The following ZFP82 variants were observed in gnomAD, a reference collection of about 807,000 sequenced individuals.
ZFP82 encodes the protein zinc finger protein 82 homolog.
In ZFP82, 30 loss-of-function variants were observed where a neutral mutation model predicts 54.0. The observed-to-expected ratio is 0.56, with a 90% confidence interval of 0.42 to 0.75. The LOEUF is 0.75. ZFP82 is among the 30% of genes least tolerant of loss of function. The pLI is 0.00. For missense variants in ZFP82, 500 were observed against 636.8 expected (o/e 0.79, Z 2.31); for synonymous variants, 194 against 209.5 (o/e 0.93, Z 0.64).
Position 36,393,964 on chromosome 19 carries a change from T to C in ZFP82, c.376A>G (p.Lys126Glu), listed in dbSNP as rs1252474302. 1.9e-6 allele frequency: 3 copies of C among 1,613,742 alleles called. No homozygotes were observed. Among genetic ancestry groups the C allele is most frequent in the African/African-American group, 1.3e-5 (1 of 74,996 alleles). Residue 126 changes from lysine (K) to glutamate (E), a missense_variant, in exon 5 of 5, where the codon AAA (lysine) becomes GAA (glutamate). Physicochemically the swap from Lys to Glu is moderately conservative, Grantham distance 56. Transcript: ENST00000392161. ...ILKNDWESTG[K>E]IEGQERPQEG... Reference sequence around the variant, plus strand: ...TGAGGTCTCTCCTGTCCTTCAATTTTTCCTGTGGATTCCCAATCATTTTTT... The same window carrying C: ...TGAGGTCTCTCCTGTCCTTCAATTTCTCCTGTGGATTCCCAATCATTTTTT...
intron 1 of ZFP82, among the ~76,000 whole-genome samples, chr19:36,411,598 T>C (rs2032581400): frequency 6.6e-6 from 1 of 152,190 alleles, no homozygotes; most frequent in Non-Finnish European, 1.5e-5. Flanking sequence ...TAACAGTATG[T>C]TGACCTTGTT....
At chr19:36,413,743 T>C (rs190791099) in intron 1 of ZFP82, among the ~76,000 whole-genome samples, 26 of 152,250 alleles carry the variant, frequency 1.7e-4, no homozygotes, top group African/African-American at 6.0e-4. Context: ...TTTCCTCAGA[T>C]ATAAACTAAG....
At position 36,390,329 on chromosome 19, in the gene ZFP82, G is replaced by GTTT. The variant is rs879833897; in HGVS notation, c.*2411_*2412insAAA. ...CTTTAAAGTGTAGGATTCCATTTTT[G>GTTT]TCTTTTTTTTTTTTTTTTTTGACAT... On this transcript the variant is annotated 3_prime_UTR_variant, in exon 5 of 5. Transcript: ENST00000392161. The GTTT allele has an allele frequency of 1.7e-5, 2 of 120,368 alleles. No individual in the cohort carries two copies. Among genetic ancestry groups the GTTT allele is most frequent in the African/African-American group, 7.4e-5 (2 of 27,102 alleles). 7.5% of individuals were successfully genotyped at this position (120,368 alleles called of 1,614,324 possible).
At chr19:36,400,321 G>A (rs1358742599) in intron 4 of ZFP82, among the ~76,000 whole-genome samples, 1 of 152,140 alleles carries the variant, frequency 6.6e-6, no homozygotes, top group African/African-American at 2.4e-5. Context: ...TTACTTTGTT[G>A]ATACAAGAAG....
chr19:36,387,594 A>C (rs952447471), downstream of ZFP82, among the ~76,000 whole-genome samples: 1 of 152,102 alleles, frequency 6.6e-6, no homozygotes, highest in African/African-American at 2.4e-5. Flanking sequence ...ATTTCTGTTC[A>C]TTGTAAATTA....
intron 4 of ZFP82, among the ~76,000 whole-genome samples, chr19:36,398,944 C>T (rs2032341487): frequency 6.6e-6 from 1 of 151,420 alleles, no homozygotes; most frequent in Non-Finnish European, 1.5e-5. Context: ...AGTTATTAGT[C>T]AACATAATTA....
chr19:36,384,672 T>G (rs1446054550), downstream of ZFP82, among the ~76,000 whole-genome samples: 2 of 152,174 alleles, frequency 1.3e-5, no homozygotes, highest in Non-Finnish European at 2.9e-5. Context: ...TTTCAGAAAT[T>G]TTGAGTAAAG....
intron 4 of ZFP82, among the ~76,000 whole-genome samples, chr19:36,402,820 C>A (rs900717610): frequency 6.6e-6 from 1 of 151,816 alleles, no homozygotes; most frequent in Non-Finnish European, 1.5e-5. Flanking sequence ...ATGGTTAAAC[C>A]CCATCTCTAC....
At chr19:36,407,280 T>G (rs965553124) in intron 3 of ZFP82, among the ~76,000 whole-genome samples, 1 of 151,326 alleles carries the variant, frequency 6.6e-6, no homozygotes, top group African/African-American at 2.4e-5. Flanking sequence ...GTTTCACCGT[T>G]TTAGCCGGGA....
At chr19:36,406,088 A>G (rs1302207175) in intron 3 of ZFP82, among the ~76,000 whole-genome samples, 1 of 152,150 alleles carries the variant, frequency 6.6e-6, no homozygotes, top group Non-Finnish European at 1.5e-5. Flanking sequence ...GTATCTAAAC[A>G]TTGCCTAGAG....
At chr19:36,415,778 T>A (rs2032659170) in intron 1 of ZFP82, among the ~76,000 whole-genome samples, 1 of 152,236 alleles carries the variant, frequency 6.6e-6, no homozygotes, top group African/African-American at 2.4e-5. Context: ...TCTATAAGCC[T>A]GTGACATGAG....
chr19:36,395,921 A>C (rs2032285479), intron 4 of ZFP82: 1 of 152,342 alleles, frequency 6.6e-6, no homozygotes, highest in South Asian at 2.1e-4. Flanking sequence ...TTTGAGACAG[A>C]GTCTCACTCT....
chr19:36,405,018 T>A (rs1457681977), intron 4 of ZFP82, among the ~76,000 whole-genome samples: 1 of 151,938 alleles, frequency 6.6e-6, no homozygotes, highest in Non-Finnish European at 1.5e-5. Flanking sequence ...ACCCCGTCTC[T>A]ACTAAAAATA....
intron 1 of ZFP82, among the ~76,000 whole-genome samples, chr19:36,411,118 A>AG (rs34636856): frequency 0.49 from 74,524 of 151,092 alleles, 19,487 homozygotes; most frequent in Admixed American, 0.6. Context: ...GCTTGGACCT[A>AG]GGGGGGCGGA....
chr19:36,398,678 A>C (rs962972570), intron 4 of ZFP82, among the ~76,000 whole-genome samples: 5 of 152,142 alleles, frequency 3.3e-5, no homozygotes, highest in African/African-American at 1.2e-4. Context: ...AAAAGACCAA[A>C]ACTGTTCCTG....
chr19:36,407,720 T>A (rs1461666758), intron 3 of ZFP82, among the ~76,000 whole-genome samples, 167 bp downstream of exon 3: 2 of 152,240 alleles, frequency 1.3e-5, no homozygotes, highest in Non-Finnish European at 2.9e-5. Context: ...AAGGTCAATG[T>A]GCTTAATGAA....
chr19:36,408,706 TACTCAGGAGGCTA>T (rs540183614), intron 2 of ZFP82, among the ~76,000 whole-genome samples: 213 of 152,090 alleles, frequency 1.4e-3, no homozygotes, highest in African/African-American at 5.0e-3. Context: ...TAATCCTAGC[TACTCAGGAGGCTA>T]AGGCAGGAGA....
chr19:36,386,144 C>G (rs1402462849), downstream of ZFP82, among the ~76,000 whole-genome samples: 1 of 152,232 alleles, frequency 6.6e-6, no homozygotes, highest in Non-Finnish European at 1.5e-5. Context: ...CCTTCCATCA[C>G]AGACAGCATT....
At chr19:36,395,381 T>C (rs146832371) in intron 4 of ZFP82, 2 of 152,334 alleles carry the variant, frequency 1.3e-5, no homozygotes, top group African/African-American at 4.8e-5. Flanking sequence ...TCCTGTTTTT[T>C]TAGGAAATGT....
Sources: gnomAD v4.1 joint callset for allele counts (sites outside exome capture counted in the v4.1 genomes callset) on GRCh38, gnomAD v4.1.1 for gene constraint, MANE v1.5 for transcripts, NCBI Gene and HGNC (gene_info 2026-07-23, HGNC 2026-07-21) for gene names.